The following CNTLN variants were observed in gnomAD, a reference collection of about 807,000 sequenced individuals.
The protein encoded by CNTLN is centlein, centrosomal protein.
A neutral mutation model predicts 180.0 loss-of-function variants in CNTLN; 212 were observed. That is an observed-to-expected ratio of 1.18 (90% CI 1.05 to 1.32). The LOEUF (loss-of-function observed/expected upper bound fraction) is 1.32. Ranked by LOEUF, CNTLN falls within the 40% of genes most tolerant of loss-of-function variation. The probability of loss-of-function intolerance (pLI) is 0.00; values close to 1 mark genes in which losing one functional copy is unlikely to be tolerated. For missense variants in CNTLN, 2,095 were observed against 1,610.9 expected, an observed-to-expected ratio of 1.30 and a Z score of -5.14; for synonymous variants, 722 against 563.1, an observed-to-expected ratio of 1.28 and a Z score of -3.99.
intron 5 of CNTLN, among the ~76,000 whole-genome samples, chr9:17,248,249 A>G (rs1825921763): frequency 6.6e-6 from 1 of 152,104 alleles, no homozygotes; most frequent in Non-Finnish European, 1.5e-5. Context: ...TGCTGTCCTT[A>G]CAGAATGAGT....
At chr9:17,351,666 A>G (rs1282035047) in intron 12 of CNTLN, among the ~76,000 whole-genome samples, 1 of 152,102 alleles carries the variant, frequency 6.6e-6, no homozygotes, top group South Asian at 2.1e-4. Context: ...GCCCTTATTC[A>G]TACCACCACC....
chr9:17,174,627 C>T (rs535670491), intron 2 of CNTLN, among the ~76,000 whole-genome samples: 16 of 150,118 alleles, frequency 1.1e-4, no homozygotes, highest in Admixed American at 2.7e-4. Flanking sequence ...ACCCGGGAGG[C>T]GGAGGTTGCA....
intron 2 of CNTLN, among the ~76,000 whole-genome samples, chr9:17,163,268 G>C (rs1175186625): frequency 6.6e-6 from 1 of 152,174 alleles, no homozygotes; most frequent in African/African-American, 2.4e-5. Flanking sequence ...TTCAAGATGA[G>C]ATTTGGGTGG....
chr9:17,464,393 G>A (rs1254248859), intron 20 of CNTLN, 104 bp from the exon 21 acceptor site: 5 of 905,868 alleles, frequency 5.5e-6, no homozygotes, highest in Non-Finnish European at 6.7e-6. Flanking sequence ...ATATCACGTA[G>A]CATTTAAAAA....
At chr9:17,153,013 A>G (rs1185969862) in intron 2 of CNTLN, among the ~76,000 whole-genome samples, 1 of 151,998 alleles carries the variant, frequency 6.6e-6, no homozygotes, top group Non-Finnish European at 1.5e-5. Context: ...TTGCTTGGTA[A>G]ATATTCTTCC....
intron 2 of CNTLN, among the ~76,000 whole-genome samples, chr9:17,186,569 C>T (rs1587057811): frequency 1.3e-5 from 2 of 152,206 alleles, no homozygotes; most frequent in South Asian, 4.1e-4. Context: ...ATAGTAGGTG[C>T]TCACTTCTCT....
chr9:17,345,089 T>C (rs1821775779), intron 12 of CNTLN, among the ~76,000 whole-genome samples: 1 of 152,204 alleles, frequency 6.6e-6, no homozygotes, highest in Non-Finnish European at 1.5e-5. Context: ...TATTCCATTT[T>C]ATGGATGGAC....
chr9:17,204,924 C>A (rs187297259), intron 2 of CNTLN, among the ~76,000 whole-genome samples: 57 of 152,332 alleles, frequency 3.7e-4, no homozygotes, highest in Middle Eastern at 3.4e-3. Flanking sequence ...CTGGCCACAA[C>A]CGCTTTGCTG....
chr9:17,174,941 A>G (rs979132185), intron 2 of CNTLN, among the ~76,000 whole-genome samples: 2 of 152,164 alleles, frequency 1.3e-5, no homozygotes, highest in Non-Finnish European at 1.5e-5. Flanking sequence ...TTGCCATCTG[A>G]ATGTCCTCTT....
intron 7 of CNTLN, among the ~76,000 whole-genome samples, chr9:17,306,048 A>T (rs1187395492): frequency 2.0e-5 from 3 of 152,166 alleles, no homozygotes; most frequent in Non-Finnish European, 4.4e-5. Context: ...GTCATATCAC[A>T]TCAAGTCAGG....
chr9:17,213,988 TG>T, intron 2 of CNTLN, among the ~76,000 whole-genome samples: 1 of 152,350 alleles, frequency 6.6e-6, no homozygotes, highest in South Asian at 2.1e-4. Flanking sequence ...AGCACACTGA[TG>T]GGTCTTGACT....
At chr9:17,452,864 C>G (rs1454688713) in intron 18 of CNTLN, among the ~76,000 whole-genome samples, 1 of 152,136 alleles carries the variant, frequency 6.6e-6, no homozygotes, top group Non-Finnish European at 1.5e-5. Context: ...TGGGATCCTA[C>G]AGTTGCAGCT....
chr9:17,222,260 T>C (rs1341070975), intron 2 of CNTLN, among the ~76,000 whole-genome samples: 4 of 152,086 alleles, frequency 2.6e-5, no homozygotes, highest in African/African-American at 9.7e-5. Context: ...TTGAACTCAC[T>C]CTAATTAGGC....
At chr9:17,315,443 A>G (rs1003066191) in intron 8 of CNTLN, among the ~76,000 whole-genome samples, 3 of 151,958 alleles carry the variant, frequency 2.0e-5, no homozygotes, top group African/African-American at 7.2e-5. Flanking sequence ...TATGATTTCA[A>G]TGTGGTAGTG....
chr9:17,386,369 A>G (rs1199851096), intron 13 of CNTLN, among the ~76,000 whole-genome samples: 1 of 152,194 alleles, frequency 6.6e-6, no homozygotes, highest in Non-Finnish European at 1.5e-5. Context: ...AATATAAATT[A>G]GAATGAATGT....
At chr9:17,448,262 G>A (rs1397843002) in intron 18 of CNTLN, 1 of 155,680 alleles carries the variant, frequency 6.4e-6, no homozygotes, top group Non-Finnish European at 1.4e-5. Flanking sequence ...AAAAATTCCT[G>A]GATGAAGAAA....
intron 18 of CNTLN, among the ~76,000 whole-genome samples, chr9:17,449,838 G>A (rs1830683220): frequency 6.6e-6 from 1 of 152,100 alleles, no homozygotes; most frequent in African/African-American, 2.4e-5. Flanking sequence ...GGCATATAAT[G>A]TTAAAACTAT....
At chr9:17,266,793 T>G (rs1827491413) in intron 5 of CNTLN, among the ~76,000 whole-genome samples, 1 of 152,238 alleles carries the variant, frequency 6.6e-6, no homozygotes, top group Admixed American at 6.5e-5. Context: ...CATTATGTAA[T>G]GGCCTTCTTT....
At chr9:17,490,267 C>G (rs1833087287) in intron 25 of CNTLN, among the ~76,000 whole-genome samples, 1 of 151,900 alleles carries the variant, frequency 6.6e-6, no homozygotes, top group Admixed American at 6.6e-5. Context: ...CTGGATGTGG[C>G]CTGGCCATGG....
Sources: gnomAD v4.1 joint callset for allele counts (sites outside exome capture counted in the v4.1 genomes callset) on GRCh38, gnomAD v4.1.1 for gene constraint, MANE v1.5 for transcripts, NCBI Gene and HGNC (gene_info 2026-07-23, HGNC 2026-07-21) for gene names.